The following FAM120A variants were observed in gnomAD, a reference collection of about 807,000 sequenced individuals.
FAM120A encodes the protein constitutive coactivator of PPAR-gamma-like protein 1.
In FAM120A, 15 loss-of-function variants were observed where a neutral mutation model predicts 109.7. The observed-to-expected ratio is 0.14, with a 90% CI of 0.09 to 0.21. The LOEUF (loss-of-function observed/expected upper bound fraction) is 0.21, where lower values mean the gene tolerates loss of function less well. Among genes scored for constraint, FAM120A ranks in the 10% least tolerant of loss-of-function variants. The probability of loss-of-function intolerance (pLI) is 1.00; values close to 1 mark genes in which losing one functional copy is unlikely to be tolerated. For missense variants in FAM120A, 899 were observed against 1,439.3 expected, an observed-to-expected ratio of 0.62 and a Z score of 6.07; for synonymous variants, 493 against 572.8, an observed-to-expected ratio of 0.86 and a Z score of 1.99.
Position 93,532,430 on chromosome 9 carries a change from G to A in FAM120A, c.1909+101G>A. The stretch of plus-strand genomic sequence containing the variant: ...AGAATCATGACTGAGTTGACCCCGA[G>A]TGCCTCTGTGTAAAGGAGGTGGGCC... On this transcript the variant is annotated intron_variant, in intron 10 of 17. Coordinates refer to ENST00000277165, the MANE Select transcript of FAM120A (RefSeq NM_014612.5). This position sits in a 1 kb window ranked among gnomAD's most constrained non-coding sequence, Gnocchi z 4.3. 7.3e-7 allele frequency: 1 copy of A among 1,361,122 alleles called. No individual in the cohort carries two copies. Among genetic ancestry groups the A allele is most frequent in the South Asian group, 1.2e-5 (1 of 83,660 alleles). The allele number at this position is 1,361,122 out of a possible 1,614,324, so 84.3% of individuals were successfully genotyped here.
chr9:93,499,909 A>G (rs1859727621), intron 5 of FAM120A, among the ~76,000 whole-genome samples: 1 of 152,230 alleles, frequency 6.6e-6, no homozygotes, highest in Admixed American at 6.5e-5. Flanking sequence ...TGTCTGCTGT[A>G]TGCTAGGAAC....
At chr9:93,499,904 G>A (rs1162918827) in intron 5 of FAM120A, among the ~76,000 whole-genome samples, 1 of 152,250 alleles carries the variant, frequency 6.6e-6, no homozygotes, top group South Asian at 2.1e-4. Context: ...CATAGTGTCT[G>A]CTGTATGCTA....
chr9:93,543,710 G>A (rs926059827), intron 11 of FAM120A, among the ~76,000 whole-genome samples: 3 of 152,158 alleles, frequency 2.0e-5, no homozygotes, highest in African/African-American at 7.2e-5. Context: ...TGTATGGTAT[G>A]TAAATATTAT....
chr9:93,561,850 C>G (rs1212046713), intron 16 of FAM120A, among the ~76,000 whole-genome samples: 1 of 152,106 alleles, frequency 6.6e-6, no homozygotes, highest in Non-Finnish European at 1.5e-5. Context: ...GTTTTCAAAT[C>G]AAATGCATTG....
intron 5 of FAM120A, among the ~76,000 whole-genome samples, chr9:93,510,881 G>GGC (rs1417122177): frequency 4.6e-5 from 7 of 150,578 alleles, no homozygotes; most frequent in Non-Finnish European, 7.3e-5. Context: ...TTGAGACTGG[G>GGC]GCACTGGGTA....
intron 3 of FAM120A, among the ~76,000 whole-genome samples, chr9:93,478,279 GT>G (rs1051164882): frequency 0.015 from 2,118 of 142,022 alleles, 48 homozygotes; most frequent in African/African-American, 0.047. Context: ...TCATTTATAG[GT>G]TTTTTTTTTT....
intron 17 of FAM120A, among the ~76,000 whole-genome samples, chr9:93,562,665 CTTTTTTTTTT>C (rs535421624): frequency 7.4e-6 from 1 of 134,990 alleles, no homozygotes; most frequent in Non-Finnish European, 1.6e-5. Context: ...CTTTCTTTTT[CTTTTTTTTTT>C]TTTTTTTGAG....
At chr9:93,563,861 G>A (rs917560038) in intron 17 of FAM120A, among the ~76,000 whole-genome samples, 1 of 152,246 alleles carries the variant, frequency 6.6e-6, no homozygotes, top group Admixed American at 6.5e-5. Context: ...GCAGATGTGG[G>A]AGACCCTGTT....
chr9:93,468,305 G>A (rs1198047667), intron 1 of FAM120A, among the ~76,000 whole-genome samples: 2 of 152,326 alleles, frequency 1.3e-5, no homozygotes, highest in Non-Finnish European at 2.9e-5. Flanking sequence ...ACACCAAACT[G>A]GGGCAGTTTT....
In FAM120A at chr9:93,565,882, TTCA is replaced by T. The variant is rs1435107971; in HGVS notation, c.*1346_*1348del. ...TCGTTTTCATATACTTCTGATGCTC[TTCA>T]TCACATTAGTGATCAGAAATGAGGT... On this transcript the variant is annotated 3_prime_UTR_variant, in exon 18 of 18. Transcript: ENST00000277165. 7.2e-5 allele frequency: 11 copies of T among 152,640 alleles called. No homozygotes were observed. The highest frequency in any genetic ancestry group is 7.2e-4 in the Admixed American group (11 of 15,280). 9.5% of individuals were successfully genotyped at this position (152,640 alleles called of 1,614,324 possible). A position where few individuals can be genotyped will look rare whatever the true frequency, so the allele number is the denominator to read the frequency against.
At chr9:93,505,434 C>T (rs1860004021) in intron 5 of FAM120A, among the ~76,000 whole-genome samples, 1 of 152,176 alleles carries the variant, frequency 6.6e-6, no homozygotes, top group African/African-American at 2.4e-5. Context: ...ATATTGGATG[C>T]TAGTCAGATA....
intron 7 of FAM120A, among the ~76,000 whole-genome samples, chr9:93,526,513 T>C (rs1861086974): frequency 6.7e-6 from 1 of 150,338 alleles, no homozygotes; most frequent in African/African-American, 2.5e-5. Context: ...CTTATCCCCT[T>C]TTTTTTTTCA....
At chr9:93,489,638 A>G (rs544934716) in intron 3 of FAM120A, among the ~76,000 whole-genome samples, 1 of 152,348 alleles carries the variant, frequency 6.6e-6, no homozygotes, top group Non-Finnish European at 1.5e-5. Context: ...TGATGGTCAC[A>G]CTTAGCATTA....
Position 93,549,440 on chromosome 9 carries a change from C to T in FAM120A, c.2160-1137C>T, listed in dbSNP as rs79524279. Among the ~76,000 whole-genome samples, 874 of 152,276 alleles carry T rather than the reference C, an allele frequency of 5.7e-3. 11 individuals are homozygous for T. The highest frequency in any genetic ancestry group is 0.02 in the African/African-American group (830 of 41,552). ...CCAATGCCTTGGCACCTAGTGAGCA[C>T]GTAAACTTTCTACTTTGGGCTTCAA... is the stretch of plus-strand genomic sequence containing the variant. On this transcript the variant is annotated intron_variant, in intron 11 of 17. Coordinates refer to ENST00000277165, the MANE Select transcript of FAM120A (RefSeq NM_014612.5).
chr9:93,498,859 A>G lies in FAM120A; in HGVS notation c.1003A>G (p.Met335Val), dbSNP rs1294173637. ...ATATTATTCAGCGACTAGTAAGCCTATGTCATTTCATCCACCACATTACTT... is the reference window on the plus strand; with the variant it reads ...ATATTATTCAGCGACTAGTAAGCCTGTGTCATTTCATCCACCACATTACTT... The part of the protein sequence containing the change: ...IGYYSATSKP[M>V]SFHPPHYLAA... Residue 335 changes from methionine (M) to valine (V), a missense_variant, in exon 5 of 18, where the codon ATG becomes GTG. Met to Val is a conservative substitution (Grantham distance 21). Coordinates refer to ENST00000277165, the MANE Select transcript of FAM120A (RefSeq NM_014612.5). This position sits in a 1 kb window ranked among gnomAD's most constrained non-coding sequence, Gnocchi z 4.4. 6 of 1,608,026 alleles carry G rather than the reference A, an allele frequency of 3.7e-6. No individual in the cohort carries two copies. Among genetic ancestry groups the G allele is most frequent in the Non-Finnish European group, 4.3e-6 (5 of 1,174,502 alleles).
chr9:93,510,201 C>T (rs751901314), intron 5 of FAM120A, among the ~76,000 whole-genome samples: 52 of 152,168 alleles, frequency 3.4e-4, no homozygotes, highest in Non-Finnish European at 4.9e-4. Flanking sequence ...GTCTGCTCTG[C>T]GACCTTTCGC....
In FAM120A at chr9:93,451,721, G is replaced by C; in HGVS notation, c.-195G>C. The C allele has an allele frequency of 1.0e-6, 1 of 985,322 alleles. No homozygotes were observed. The highest frequency in any genetic ancestry group is 1.2e-6 in the Non-Finnish European group (1 of 832,780). 61.0% of individuals were successfully genotyped at this position (985,322 alleles called of 1,614,324 possible). ...AGCGGCGGCAGCGGCGGCGGCGGCA[G>C]GTCCCTCCCCAGACATGGCCCTGGG... On this transcript the variant is annotated 5_prime_UTR_variant, in exon 1 of 18. Transcript: ENST00000277165.
At position 93,564,470 on chromosome 9, in the gene FAM120A, C is replaced by T. The variant is rs1275695713; in HGVS notation, c.3287C>T (p.Ala1096Val). 5 of 1,614,206 alleles carry T rather than the reference C, an allele frequency of 3.1e-6. No individual in the cohort carries two copies. In the South Asian group the frequency reaches 5.5e-5, roughly 18 times the overall value. ...TGCAATACAAATCCTCATTTAAATG[C>T]ACTAAGTACAGACAGCGCTTGCCGC... ...KTCNTNPHLNALSTDSACRRE... is the reference protein window; with the variant it reads ...KTCNTNPHLNVLSTDSACRRE... The change falls in exon 18 of 18, where the codon GCA (alanine) becomes GTA (valine). Residue 1096 changes from alanine (A) to valine (V), a missense_variant. Transcript: ENST00000277165.
intron 2 of FAM120A, 49 bp downstream of exon 2, chr9:93,471,436 A>T: frequency 6.2e-7 from 1 of 1,602,272 alleles, no homozygotes; most frequent in Non-Finnish European, 8.5e-7. Flanking sequence ...ACCATATGAT[A>T]AGCACATTGA....
Sources: allele counts gnomAD v4.1 joint callset (sites outside exome capture counted in the v4.1 genomes callset), GRCh38; gene constraint gnomAD v4.1.1; non-coding constraint Gnocchi (gnomAD v3.1); transcripts MANE v1.5; gene names NCBI Gene and HGNC (gene_info 2026-07-23, HGNC 2026-07-21).